Variants in TMTC2 observed in about 807,000 individuals in gnomAD.
TMTC2 encodes transmembrane O-mannosyltransferase targeting cadherins 2.
In TMTC2, 43 loss-of-function variants were observed where a neutral mutation model predicts 82.4. That is an observed-to-expected ratio of 0.52 (90% CI 0.41 to 0.67). The LOEUF is 0.67. TMTC2 is among the 30% of genes least tolerant of loss of function. TMTC2 has a pLI of 0.00. For missense variants in TMTC2, 919 were observed against 1,012.4 expected (o/e 0.91, Z 1.25); for synonymous variants, 408 against 381.9 (o/e 1.07, Z -0.80).
At chr12:83,043,872 C>T (rs1881987790) in intron 9 of TMTC2, among the ~76,000 whole-genome samples, 1 of 152,116 alleles carries the variant, frequency 6.6e-6, no homozygotes, top group South Asian at 2.1e-4. Flanking sequence ...ATTTATTTCA[C>T]AATACAATAG....
At chr12:82,844,498 C>G (rs2137094943) in intron 1 of TMTC2, among the ~76,000 whole-genome samples, 1 of 152,226 alleles carries the variant, frequency 6.6e-6, no homozygotes, top group African/African-American at 2.4e-5. Flanking sequence ...GTTACGTTCT[C>G]TCTTTTAGAA....
At chr12:82,998,233 G>T (rs1263591489) in intron 8 of TMTC2, among the ~76,000 whole-genome samples, 1 of 152,110 alleles carries the variant, frequency 6.6e-6, no homozygotes, top group East Asian at 1.9e-4. Flanking sequence ...TGATATGATG[G>T]GTGGACGGAG....
intron 8 of TMTC2, among the ~76,000 whole-genome samples, chr12:83,021,451 T>A (rs10862545): frequency 0.59 from 89,907 of 151,884 alleles, 27,146 homozygotes; most frequent in South Asian, 0.73. Flanking sequence ...TCAAACTAGA[T>A]GGGCATAGTG....
chr12:83,114,490 T>G (rs1272703300), intron 11 of TMTC2, among the ~76,000 whole-genome samples: 3 of 152,186 alleles, frequency 2.0e-5, no homozygotes. Context: ...TGGGAAACCA[T>G]CTTTAGAATA....
At chr12:82,726,997 C>T (rs1366846947) in intron 1 of TMTC2, among the ~76,000 whole-genome samples, 2 of 151,646 alleles carry the variant, frequency 1.3e-5, no homozygotes, top group Non-Finnish European at 1.5e-5. Flanking sequence ...AGAAAAGCCC[C>T]TTTTCTTTCC....
chr12:82,726,083 G>A (rs1190118895), intron 1 of TMTC2, among the ~76,000 whole-genome samples: 2 of 152,052 alleles, frequency 1.3e-5, no homozygotes, highest in Non-Finnish European at 2.9e-5. Context: ...TTCAAAATAA[G>A]GCAAAGAAAC....
rs982823020 is a variant in TMTC2 at position 83,133,520 on chromosome 12, T to C, written c.*1131T>C. 1 of 152,236 alleles carries C rather than the reference T, an allele frequency of 6.6e-6. No individual in the cohort carries two copies. The allele number at this position is 152,236 out of a possible 1,614,324, so 9.4% of individuals were successfully genotyped here. On this transcript the variant is annotated 3_prime_UTR_variant, in exon 12 of 12. Coordinates refer to ENST00000321196, the MANE Select transcript of TMTC2 (RefSeq NM_152588.3). ...CTCAAAAGGCATCAAAAACAACTTA[T>C]TTGAAGCTGCAATAGAGTGTAGCAT... is the stretch of plus-strand genomic sequence containing the variant.
rs529615683 is a variant in TMTC2 at position 83,042,394 on chromosome 12, G to A, written c.2153-8510G>A. Among the ~76,000 whole-genome samples the A allele has an allele frequency of 1.3e-3, 196 of 152,240 alleles. 1 individual carries two copies. Among genetic ancestry groups the A allele is most frequent in the Admixed American group, 4.9e-3 (75 of 15,296 alleles). On this transcript the variant is annotated intron_variant, in intron 9 of 11. Coordinates refer to ENST00000321196, the MANE Select transcript of TMTC2 (RefSeq NM_152588.3). ...CTGCTCACCTCTGGATCTCTAATGAGGTTGTATTCCTCGTCTAGTTGCATC... is the reference window on the plus strand; with the variant it reads ...CTGCTCACCTCTGGATCTCTAATGAAGTTGTATTCCTCGTCTAGTTGCATC...
intron 3 of TMTC2, among the ~76,000 whole-genome samples, chr12:82,915,088 G>C (rs567269139): frequency 6.6e-6 from 1 of 152,054 alleles, no homozygotes; most frequent in East Asian, 1.9e-4. Context: ...GCCTCCCAAA[G>C]TGCTGGGATT....
chr12:82,955,381 C>T (rs776617761), intron 4 of TMTC2, among the ~76,000 whole-genome samples: 21 of 152,136 alleles, frequency 1.4e-4, no homozygotes, highest in Non-Finnish European at 8.8e-5. Flanking sequence ...TTAATGTTTG[C>T]GTTCAGCTCT....
intron 11 of TMTC2, among the ~76,000 whole-genome samples, chr12:83,121,214 T>C (rs1884936847): frequency 1.3e-5 from 2 of 152,086 alleles, no homozygotes; most frequent in South Asian, 2.1e-4. Context: ...TTTTTTGGGG[T>C]GTGTTAAAGA....
At chr12:82,938,499 T>C (rs147377995) in intron 4 of TMTC2, among the ~76,000 whole-genome samples, 1 of 152,254 alleles carries the variant, frequency 6.6e-6, no homozygotes, top group Non-Finnish European at 1.5e-5. Context: ...CCGATTGGTC[T>C]CCTAAAATAG....
At chr12:82,973,454 A>G (rs1304377295) in intron 7 of TMTC2, among the ~76,000 whole-genome samples, 1 of 152,212 alleles carries the variant, frequency 6.6e-6, no homozygotes. Context: ...TTATGTAGTC[A>G]ATAAGATAAG....
intron 1 of TMTC2, among the ~76,000 whole-genome samples, chr12:82,787,257 T>G (rs1366185849): frequency 6.6e-6 from 1 of 152,130 alleles, no homozygotes; most frequent in Non-Finnish European, 1.5e-5. Context: ...AGGGACATTA[T>G]TTATGAAATG....
Position 82,693,604 on chromosome 12 carries a change from C to T in TMTC2, c.83+5935C>T, listed in dbSNP as rs1872665104. On this transcript the variant is annotated intron_variant, in intron 1 of 11. Transcript: ENST00000321196. ...TTCTAAATTTCTGTCTCACCCTCTT[C>T]CTCTCTTTTTCTCCTCTGTGTTTAC... Among the ~76,000 whole-genome samples the T allele has an allele frequency of 2.0e-5, 3 of 152,174 alleles. No individual in the cohort carries two copies. In the South Asian group the frequency reaches 6.2e-4, roughly 32 times the overall value.
intron 1 of TMTC2, among the ~76,000 whole-genome samples, chr12:82,761,688 T>C (rs1876641382): frequency 6.6e-6 from 1 of 152,142 alleles, no homozygotes; most frequent in African/African-American, 2.4e-5. Context: ...AAGTGACCTC[T>C]TTATTTCCAG....
intron 2 of TMTC2, among the ~76,000 whole-genome samples, chr12:82,869,831 C>A (rs1391429527): frequency 1.3e-5 from 2 of 149,702 alleles, no homozygotes; most frequent in East Asian, 3.9e-4. Context: ...AGAGTGAGAC[C>A]CTGTCTCAAA....
At chr12:82,995,299 T>C (rs1176041242) in intron 8 of TMTC2, among the ~76,000 whole-genome samples, 1 of 149,082 alleles carries the variant, frequency 6.7e-6, no homozygotes, top group Non-Finnish European at 1.5e-5. Flanking sequence ...AAAGGAAATG[T>C]ATTTTTTCCT....
intron 11 of TMTC2, among the ~76,000 whole-genome samples, chr12:83,072,107 A>G (rs1461622088): frequency 3.3e-5 from 5 of 151,772 alleles, no homozygotes; most frequent in East Asian, 3.9e-4. Flanking sequence ...TAGATTGTCA[A>G]TTTGTGCTCT....
Sources: gnomAD v4.1 joint callset for allele counts (sites outside exome capture counted in the v4.1 genomes callset) on GRCh38, gnomAD v4.1.1 for gene constraint, MANE v1.5 for transcripts, NCBI Gene and HGNC (gene_info 2026-07-23, HGNC 2026-07-21) for gene names.